The following DHCR7 variants were observed in gnomAD, a reference collection of about 807,000 sequenced individuals.
DHCR7 encodes 7-DHC reductase.
A neutral mutation model predicts 43.3 loss-of-function variants in DHCR7; 40 were observed. That is an observed-to-expected ratio of 0.92 (90% CI 0.72 to 1.20). The LOEUF is 1.20. DHCR7 is among the 50% of genes most tolerant of loss of function. The pLI, the probability that DHCR7 is intolerant of heterozygous loss-of-function variation, is 0.00. For synonymous variants in DHCR7, 298 were observed against 271.4 expected (o/e 1.10, Z -0.96); for missense variants, 608 against 644.6 (o/e 0.94, Z 0.62).
chr11:71,427,371 T>C (rs1427574336), downstream of DHCR7, among the ~76,000 whole-genome samples: 2 of 152,228 alleles, frequency 1.3e-5, no homozygotes, highest in African/African-American at 4.8e-5. Flanking sequence ...CAGCAAGTCT[T>C]CCATATTTTT....
intron 7 of DHCR7, among the ~76,000 whole-genome samples, chr11:71,438,384 C>A (rs72954285): frequency 6.6e-6 from 1 of 152,304 alleles, no homozygotes; most frequent in Non-Finnish European, 1.5e-5. Flanking sequence ...TGCACCCCAG[C>A]TCAGCACACA....
rs1342235041 is a variant in DHCR7 at position 71,444,009 on chromosome 11, A to G, written c.305T>C (p.Leu102Ser). Residue 102 changes from leucine to serine, a missense_variant, in exon 4 of 9, where the codon TTG (leucine) becomes TCG (serine). Transcript: ENST00000355527. ...GCTGCTGACCTGGAAGGTGACCCAC[A>G]AGGTATAGAGCTGGGCGGCTTTCCT... ...ITRKAAQLYT[L>S]WVTFQVLLYT... The G allele has an allele frequency of 2.5e-6, 4 of 1,611,764 alleles. No homozygotes were observed. The highest frequency in any genetic ancestry group is 3.4e-6 in the Non-Finnish European group (4 of 1,178,844).
chr11:71,444,721 A>G lies in DHCR7; in HGVS notation c.98+134T>C, dbSNP rs111440352. 1.5e-5 allele frequency: 11 copies of G among 720,920 alleles called. No individual in the cohort carries two copies. The African/African-American group carries it at 1.6e-4, about 11-fold the overall frequency. The allele number at this position is 720,920 out of a possible 1,614,324, so 44.7% of individuals were successfully genotyped here. The stretch of plus-strand genomic sequence containing the variant: ...TAAAGTGGAAAACTGTTTACCTTTC[A>G]TTAGTCTTGACAAAAAAAAAAAAAT... On this transcript the variant is annotated intron_variant, in intron 3 of 8. Transcript: ENST00000355527.
chr11:71,435,334 G>A lies in DHCR7; in HGVS notation c.*41C>T, dbSNP rs750890505. 5.6e-5 allele frequency: 89 copies of A among 1,599,218 alleles called. No homozygotes were observed. Among genetic ancestry groups the A allele is most frequent in the African/African-American group, 1.2e-4 (9 of 74,770 alleles). On this transcript the variant is annotated 3_prime_UTR_variant, in exon 9 of 9. Transcript: ENST00000355527. ...AGCCCCCATGGACCTGGCAGAACAC[G>A]CTCTTGACAGCCCCACAGGGCTTCT...
At chr11:71,442,210 G>T in intron 5 of DHCR7, 53 bp downstream of exon 5, 4 of 1,349,346 alleles carry the variant, frequency 3.0e-6, no homozygotes, top group Non-Finnish European at 4.2e-6. Context: ...ACTGGCCCCT[G>T]AGAGAAAGGG....
At chr11:71,430,391 C>A (rs558958870), downstream of DHCR7, among the ~76,000 whole-genome samples, 4 of 152,234 alleles carry the variant, frequency 2.6e-5, no homozygotes, top group Non-Finnish European at 5.9e-5. Flanking sequence ...AAGCTCCATG[C>A]AGGACCCGTG....
intron 3 of DHCR7, among the ~76,000 whole-genome samples, chr11:71,444,567 G>C (rs529356588): frequency 1.3e-5 from 2 of 152,282 alleles, no homozygotes; most frequent in Admixed American, 1.3e-4. Flanking sequence ...ATGGCGAAAT[G>C]GGAGCTGTGA....
rs779896782 is a variant in DHCR7 at position 71,439,055 on chromosome 11, A to C, written c.655T>G (p.Tyr219Asp). The change falls in exon 7 of 9, where the codon TAC (tyrosine) becomes GAC (aspartate). Residue 219 changes from tyrosine to aspartate, a missense_variant. By Grantham distance (160) the Tyr-to-Asp change is radical (BLOSUM62 -3). Coordinates refer to ENST00000355527, the MANE Select transcript of DHCR7 (RefSeq NM_001360.3). ...CKFTGNFFYN[Y>D]MMGIEFNPRI... ...GGGTTAAACTCGATGCCCATCATGT[A>C]GTTGTAAAAGAAATTGCCTGTGAAT... The C allele has an allele frequency of 1.2e-5, 20 of 1,613,974 alleles. No homozygotes were observed. The highest frequency in any genetic ancestry group is 1.7e-5 in the Non-Finnish European group (20 of 1,180,046).
chr11:71,428,124 T>A (rs565756853), downstream of DHCR7: 1 of 152,328 alleles, frequency 6.6e-6, no homozygotes, highest in East Asian at 1.9e-4. Flanking sequence ...TCTTGTGAAT[T>A]GTGCTAATTT....
At chr11:71,431,300 C>G (rs1949226554), downstream of DHCR7, among the ~76,000 whole-genome samples, 1 of 152,234 alleles carries the variant, frequency 6.6e-6, no homozygotes, top group South Asian at 2.1e-4. Flanking sequence ...AACAGCAAGA[C>G]AAGTTGTCAG....
chr11:71,432,617 G>A (rs1021313020), downstream of DHCR7, among the ~76,000 whole-genome samples: 1 of 152,056 alleles, frequency 6.6e-6, no homozygotes, highest in Non-Finnish European at 1.5e-5. Flanking sequence ...CCGAACTATG[G>A]TCACCCACCA....
intron 7 of DHCR7, chr11:71,438,646 C>T (rs889043085): frequency 1.4e-4 from 84 of 601,052 alleles, no homozygotes; most frequent in Middle Eastern, 8.9e-4. Flanking sequence ...TCCTGGACCA[C>T]GCCTGGCTGC....
At chr11:71,434,342 C>A (rs895196868), downstream of DHCR7, 47 of 152,398 alleles carry the variant, frequency 3.1e-4, no homozygotes, top group African/African-American at 1.1e-3. Context: ...CCCACGTATA[C>A]CAGTCAGACC....
downstream of DHCR7, among the ~76,000 whole-genome samples, chr11:71,432,166 T>C (rs905739639): frequency 6.6e-6 from 1 of 152,244 alleles, no homozygotes; most frequent in Non-Finnish European, 1.5e-5. Flanking sequence ...AACATTGTTA[T>C]TGAAACATAT....
chr11:71,444,842 G>A lies in DHCR7; in HGVS notation c.98+13C>T, dbSNP rs900369909. 2 of 1,611,002 alleles carry A rather than the reference G, an allele frequency of 1.2e-6. No homozygotes were observed. Among genetic ancestry groups the A allele is most frequent in the African/African-American group, 1.3e-5 (1 of 74,938 alleles). On this transcript the variant is annotated intron_variant, in intron 3 of 8. Transcript: ENST00000355527. ...CTTTACTTTCTAGCTGGGAGAACAG[G>A]CAAGATCCTTACCAGGCACGGCCCC...
Position 71,435,283 on chromosome 11 carries a change from GCTC to G in DHCR7, c.*89_*91del. The G allele has an allele frequency of 3.0e-6, 4 of 1,345,904 alleles. No individual in the cohort carries two copies. The highest frequency in any genetic ancestry group is 4.2e-6 in the Non-Finnish European group (4 of 948,612). The allele number at this position is 1,345,904 out of a possible 1,614,324, so 83.4% of individuals were successfully genotyped here. A position where few individuals can be genotyped will look rare whatever the true frequency, so the allele number is the denominator to read the frequency against. On this transcript the variant is annotated 3_prime_UTR_variant, in exon 9 of 9. Coordinates refer to ENST00000355527, the MANE Select transcript of DHCR7 (RefSeq NM_001360.3). Reference sequence around the variant, plus strand: ...CCAGTTTACAGATGAGGAAACTGAGGCTCCTCGAGTTGGAGCTGGGATGCCAGC... The same window carrying G: ...CCAGTTTACAGATGAGGAAACTGAGGCTCGAGTTGGAGCTGGGATGCCAGC...
chr11:71,445,341 T>C (rs1457050771), intron 2 of DHCR7, among the ~76,000 whole-genome samples: 1 of 152,182 alleles, frequency 6.6e-6, no homozygotes, highest in Non-Finnish European at 1.5e-5. Flanking sequence ...CAGTTTAAAT[T>C]GTCTGTGGCA....
At chr11:71,428,257 G>A (rs1949210554) in exon 3 of DHCR7, 1 of 152,218 alleles carries the variant, frequency 6.6e-6, no homozygotes, top group Non-Finnish European at 1.5e-5. Context: ...TTGATCTTAT[G>A]ATGAGAGAAT....
downstream of DHCR7, among the ~76,000 whole-genome samples, chr11:71,433,750 A>G (rs377385979): frequency 9.3e-4 from 141 of 152,320 alleles, no homozygotes; most frequent in African/African-American, 3.3e-3. Flanking sequence ...GTCTGGGAAG[A>G]AAAGGCAGGG....
Sources: gnomAD v4.1 joint callset for allele counts (sites outside exome capture counted in the v4.1 genomes callset) on GRCh38, gnomAD v4.1.1 for gene constraint, MANE v1.5 for transcripts, NCBI Gene and HGNC (gene_info 2026-07-23, HGNC 2026-07-21) for gene names.